The following ATRNL1 variants were observed in gnomAD, a reference collection of about 807,000 sequenced individuals.
ATRNL1 encodes the protein attractin-like protein 1.
ATRNL1 carries 95 observed loss-of-function variants against 182.7 expected under a neutral mutation model. The observed-to-expected ratio is 0.52, with a 90% confidence interval of 0.44 to 0.62. The LOEUF is 0.62. Among genes scored for constraint, ATRNL1 ranks in the 20% least tolerant of loss-of-function variants. ATRNL1 has a pLI of 0.00. For synonymous variants in ATRNL1, 576 were observed against 568.3 expected, an observed-to-expected ratio of 1.01 and a Z score of -0.19; for missense variants, 1,471 against 1,679.5, an observed-to-expected ratio of 0.88 and a Z score of 2.17.
chr10:115,518,183 C>T (rs531170918), intron 24 of ATRNL1, among the ~76,000 whole-genome samples: 5 of 151,792 alleles, frequency 3.3e-5, no homozygotes, highest in Non-Finnish European at 7.4e-5. Flanking sequence ...GGATTAATTT[C>T]CTTTGTTTTT....
intron 28 of ATRNL1, among the ~76,000 whole-genome samples, chr10:115,891,030 G>A (rs2134463101): frequency 6.6e-6 from 1 of 152,238 alleles, no homozygotes; most frequent in Admixed American, 6.5e-5. Flanking sequence ...AGGTGTGTGG[G>A]CAGGGGAGAG....
At chr10:115,233,646 CATTGTGGGTTTTTT>C in intron 9 of ATRNL1, among the ~76,000 whole-genome samples, 1 of 152,096 alleles carries the variant, frequency 6.6e-6, no homozygotes, top group South Asian at 2.1e-4. Flanking sequence ...GAATGATGTT[CATTGTGGGTTTTTT>C]AGATATCATT....
chr10:115,285,735 G>A (rs116465765), intron 14 of ATRNL1, among the ~76,000 whole-genome samples: 1,788 of 152,134 alleles, frequency 0.012, 33 homozygotes, highest in African/African-American at 0.04. Flanking sequence ...GAAAGAATCA[G>A]AGAACCCAAC....
At chr10:115,328,902 G>T (rs1855056988) in intron 18 of ATRNL1, among the ~76,000 whole-genome samples, 2 of 151,992 alleles carry the variant, frequency 1.3e-5, no homozygotes, top group Admixed American at 6.6e-5. Flanking sequence ...TGGTTATTGT[G>T]TGTAGTGCTG....
chr10:115,610,994 C>T (rs1857124683), intron 26 of ATRNL1, among the ~76,000 whole-genome samples: 1 of 150,666 alleles, frequency 6.6e-6, no homozygotes, highest in Non-Finnish European at 1.5e-5. Flanking sequence ...TGATATATTA[C>T]ACAAATTTAG....
intron 15 of ATRNL1, among the ~76,000 whole-genome samples, chr10:115,288,789 T>C (rs1852754495): frequency 6.6e-6 from 1 of 152,190 alleles, no homozygotes; most frequent in South Asian, 2.1e-4. Context: ...CCCAAAGTGC[T>C]GGGATTACAG....
chr10:115,436,376 T>C (rs1846406498), intron 21 of ATRNL1, among the ~76,000 whole-genome samples: 1 of 152,110 alleles, frequency 6.6e-6, no homozygotes, highest in Admixed American at 6.6e-5. Context: ...TTCTTATGTA[T>C]TTAAAAAATT....
intron 22 of ATRNL1, among the ~76,000 whole-genome samples, chr10:115,465,558 A>G (rs1169571038): frequency 6.6e-6 from 1 of 151,622 alleles, no homozygotes; most frequent in Non-Finnish European, 1.5e-5. Context: ...GTACTGCAGA[A>G]GGGTTCTTAA....
intron 28 of ATRNL1, among the ~76,000 whole-genome samples, chr10:115,871,467 C>CCATATATATATATATATATATA (rs1951578505): frequency 1.8e-4 from 3 of 16,576 alleles, no homozygotes; most frequent in African/African-American, 2.6e-4. Flanking sequence ...TGGTCAGATT[C>CCATATATATATATATATATATA]TTTGTGTGTG....
chr10:115,287,900 C>A (rs566749689), intron 15 of ATRNL1, among the ~76,000 whole-genome samples: 18 of 147,026 alleles, frequency 1.2e-4, no homozygotes, highest in Non-Finnish European at 2.2e-4. Flanking sequence ...CTCTCCTCTA[C>A]ATTTTACTTC....
At chr10:115,738,124 TGA>T (rs1430248239) in intron 27 of ATRNL1, among the ~76,000 whole-genome samples, 6 of 118,486 alleles carry the variant, frequency 5.1e-5, no homozygotes, top group Non-Finnish European at 7.0e-5. Flanking sequence ...TAGAAGATAA[TGA>T]TTTTTTTTTT....
intron 8 of ATRNL1, among the ~76,000 whole-genome samples, chr10:115,214,960 C>A (rs1157213299): frequency 6.6e-6 from 1 of 152,158 alleles, no homozygotes; most frequent in Non-Finnish European, 1.5e-5. Context: ...TAGGCTGGAG[C>A]CTATGATCAC....
chr10:115,646,901 G>A (rs11197371), intron 26 of ATRNL1, among the ~76,000 whole-genome samples: 1,549 of 149,872 alleles, frequency 0.01, 29 homozygotes, highest in African/African-American at 0.035. Flanking sequence ...CCATTAACTC[G>A]TCATTTACAT....
At chr10:115,803,224 A>G (rs982037114) in intron 27 of ATRNL1, among the ~76,000 whole-genome samples, 1 of 152,076 alleles carries the variant, frequency 6.6e-6, no homozygotes, top group Non-Finnish European at 1.5e-5. Flanking sequence ...TTATTTACCT[A>G]GTATACTTAC....
At position 115,215,889 on chromosome 10, in the gene ATRNL1, A is replaced by G; in HGVS notation, c.1532+9A>G. 6.7e-7 allele frequency: 1 copy of G among 1,483,760 alleles called. No homozygotes were observed. The highest frequency in any genetic ancestry group is 2.5e-5 in the Admixed American group (1 of 39,422). The allele number at this position is 1,483,760 out of a possible 1,614,324, so 91.9% of individuals were successfully genotyped here. On this transcript the variant is annotated intron_variant, in intron 9 of 28. Coordinates refer to ENST00000355044, the MANE Select transcript of ATRNL1 (RefSeq NM_207303.4). ...GTTAACACTAAGACTTGGTGAGTAC[A>G]CAAAATAACACATTTTCTATGTTGC...
intron 26 of ATRNL1, among the ~76,000 whole-genome samples, chr10:115,678,480 T>C (rs1159432077): frequency 1.3e-5 from 2 of 152,128 alleles, no homozygotes; most frequent in African/African-American, 4.8e-5. Context: ...AAGTAAATCA[T>C]CATTACATTT....
At chr10:115,911,324 T>C (rs1454310829) in intron 28 of ATRNL1, among the ~76,000 whole-genome samples, 1 of 151,802 alleles carries the variant, frequency 6.6e-6, no homozygotes, top group Non-Finnish European at 1.5e-5. Flanking sequence ...TTTATTTATT[T>C]ATTTATTTTC....
chr10:115,522,039 A>AT (rs1298239243), intron 25 of ATRNL1, among the ~76,000 whole-genome samples: 3 of 152,042 alleles, frequency 2.0e-5, no homozygotes, highest in Non-Finnish European at 2.9e-5. Context: ...TCTTTGTTAG[A>AT]TTTTACCTCT....
rs1953874870 is a variant in ATRNL1 at position 115,946,310 on chromosome 10, ACCC to A, written c.*1532_*1534del. Reference sequence around the variant, plus strand: ...CATGGTTGTACAGTAGCAGACTATGACCCTATTGTGATATTAAGTGTTTATTTC... The same window carrying A: ...CATGGTTGTACAGTAGCAGACTATGATATTGTGATATTAAGTGTTTATTTC... On this transcript the variant is annotated 3_prime_UTR_variant, in exon 29 of 29. Transcript: ENST00000355044. 1 of 152,180 alleles carries A rather than the reference ACCC, an allele frequency of 6.6e-6. No homozygotes were observed. The highest frequency in any genetic ancestry group is 2.4e-5 in the African/African-American group (1 of 41,436). 9.4% of individuals were successfully genotyped at this position (152,180 alleles called of 1,614,324 possible). A position where few individuals can be genotyped will look rare whatever the true frequency, so the allele number is the denominator to read the frequency against.
Sources: gnomAD v4.1 joint callset for allele counts (sites outside exome capture counted in the v4.1 genomes callset) on GRCh38, gnomAD v4.1.1 for gene constraint, MANE v1.5 for transcripts, NCBI Gene and HGNC (gene_info 2026-07-23, HGNC 2026-07-21) for gene names.